Variants in CSMD3 observed in about 807,000 individuals in gnomAD.
CSMD3 encodes the protein CUB and Sushi multiple domains 3.
CSMD3 carries 177 observed loss-of-function variants against 435.2 expected under a neutral mutation model. The observed-to-expected ratio is 0.41, with a 90% CI of 0.36 to 0.46. The LOEUF is 0.46. Ranked by LOEUF, CSMD3 falls within the 20% of genes least tolerant of loss-of-function variation. The pLI is 0.34. For missense variants in CSMD3, 4,265 were observed against 4,504.6 expected, an observed-to-expected ratio of 0.95 and a Z score of 1.52; for synonymous variants, 1,656 against 1,520.5, an observed-to-expected ratio of 1.09 and a Z score of -2.07.
chr8:113,207,181 T>C (rs2092780593), intron 3 of CSMD3, among the ~76,000 whole-genome samples: 1 of 152,132 alleles, frequency 6.6e-6, no homozygotes, highest in African/African-American at 2.4e-5. Flanking sequence ...CATTGAAAAC[T>C]TTCATCTGGA....
At chr8:112,630,288 G>A (rs1179824597) in intron 22 of CSMD3, among the ~76,000 whole-genome samples, 1 of 152,096 alleles carries the variant, frequency 6.6e-6, no homozygotes, top group Non-Finnish European at 1.5e-5. Flanking sequence ...TAAATTAGAT[G>A]AGAGAAAGCT....
chr8:112,701,651 C>T (rs1310863323), intron 13 of CSMD3, among the ~76,000 whole-genome samples: 1 of 152,154 alleles, frequency 6.6e-6, no homozygotes, highest in Non-Finnish European at 1.5e-5. Flanking sequence ...TCCACCCCTG[C>T]ACACTCTGAA....
At chr8:112,955,935 A>T (rs1016189400) in intron 7 of CSMD3, among the ~76,000 whole-genome samples, 2 of 151,930 alleles carry the variant, frequency 1.3e-5, no homozygotes, top group Non-Finnish European at 2.9e-5. Flanking sequence ...ATGGATATTT[A>T]TTGGTTTATG....
intron 10 of CSMD3, among the ~76,000 whole-genome samples, chr8:112,870,151 G>T (rs1224618098): frequency 6.6e-6 from 1 of 151,426 alleles, no homozygotes; most frequent in African/African-American, 2.4e-5. Flanking sequence ...CATTTACATG[G>T]GTAAACTTGT....
chr8:113,223,553 T>C (rs1243716821), intron 3 of CSMD3, among the ~76,000 whole-genome samples: 2 of 150,038 alleles, frequency 1.3e-5, no homozygotes, highest in Admixed American at 6.7e-5. Flanking sequence ...TTTATATATA[T>C]TTTTACAACA....
At chr8:112,324,119 A>G (rs1478026624) in intron 45 of CSMD3, among the ~76,000 whole-genome samples, 2 of 152,038 alleles carry the variant, frequency 1.3e-5, no homozygotes, top group Admixed American at 1.3e-4. Context: ...ATCATCTTAG[A>G]TAAAGCAAGA....
At chr8:113,203,013 A>AT (rs1400118075) in intron 3 of CSMD3, among the ~76,000 whole-genome samples, 2 of 152,074 alleles carry the variant, frequency 1.3e-5, no homozygotes, top group Non-Finnish European at 2.9e-5. Context: ...AGAAACCCAT[A>AT]TTTTTTCAAC....
chr8:112,650,237 T>C lies in CSMD3; in HGVS notation c.3117A>G (p.Gly1039=). 1 of 1,613,934 alleles carries C rather than the reference T, an allele frequency of 6.2e-7. No homozygotes were observed. The highest frequency in any genetic ancestry group is 8.5e-7 in the Non-Finnish European group (1 of 1,179,848). ...GSTVSFSCDS[G]YRLSHEEPLL... ...GGGGCTCTTCATGACTCAACCTGTA[T>C]CCTGAATCACAACTAAATGAAACAG... The change falls in exon 19 of 71, where the codon GGA becomes GGG. Residue 1039 remains glycine (G), a synonymous_variant. Transcript: ENST00000297405.
chr8:112,829,855 C>T, intron 11 of CSMD3, 66 bp from the exon 12 acceptor site: 1 of 816,958 alleles, frequency 1.2e-6, no homozygotes, highest in Non-Finnish European at 2.1e-6. Context: ...ACAAAAAAAG[C>T]AATGACAGAA....
At chr8:112,661,576 T>G (rs186143873) in intron 17 of CSMD3, among the ~76,000 whole-genome samples, 1 of 152,274 alleles carries the variant, frequency 6.6e-6, no homozygotes, top group East Asian at 1.9e-4. Context: ...AGGTGTTTAT[T>G]TATTTAATGA....
intron 1 of CSMD3, among the ~76,000 whole-genome samples, chr8:113,428,849 C>G (rs2094652656): frequency 6.6e-6 from 1 of 151,762 alleles, no homozygotes; most frequent in South Asian, 2.1e-4. Flanking sequence ...GAGTCTGTTT[C>G]CATTTACAAA....
At chr8:113,144,720 G>T (rs1310147640) in intron 4 of CSMD3, among the ~76,000 whole-genome samples, 1 of 151,208 alleles carries the variant, frequency 6.6e-6, no homozygotes, top group East Asian at 2.0e-4. Flanking sequence ...CCTATATTAA[G>T]GCGCAATATA....
intron 1 of CSMD3, among the ~76,000 whole-genome samples, chr8:113,352,219 A>G (rs1286993346): frequency 6.6e-6 from 1 of 152,116 alleles, no homozygotes; most frequent in Non-Finnish European, 1.5e-5. Context: ...TGAATAGACC[A>G]TCCTGCATTG....
intron 59 of CSMD3, among the ~76,000 whole-genome samples, chr8:112,267,803 G>C (rs1410843621): frequency 6.6e-6 from 1 of 152,090 alleles, no homozygotes; most frequent in Non-Finnish European, 1.5e-5. Context: ...AGCTTTAGAA[G>C]GGTTTGTTTG....
intron 6 of CSMD3, among the ~76,000 whole-genome samples, chr8:112,978,593 T>C (rs1005296635): frequency 1.3e-5 from 2 of 152,014 alleles, no homozygotes; most frequent in African/African-American, 4.8e-5. Context: ...GTGATGAAGA[T>C]TCAGTACTAT....
intron 4 of CSMD3, among the ~76,000 whole-genome samples, chr8:113,116,338 C>T (rs2131616836): frequency 6.6e-6 from 1 of 152,186 alleles, no homozygotes; most frequent in Non-Finnish European, 1.5e-5. Flanking sequence ...GGAGTTTATG[C>T]CTTCGCTCGA....
chr8:113,430,917 A>G (rs1586189439), intron 1 of CSMD3, among the ~76,000 whole-genome samples: 1 of 152,256 alleles, frequency 6.6e-6, no homozygotes, highest in African/African-American at 2.4e-5. Context: ...TAGCAAAGCA[A>G]CTTAAGACAT....
At chr8:113,014,398 C>A (rs2086373829) in intron 6 of CSMD3, among the ~76,000 whole-genome samples, 1 of 152,036 alleles carries the variant, frequency 6.6e-6, no homozygotes, top group Non-Finnish European at 1.5e-5. Flanking sequence ...GGCCATCATG[C>A]CTCATATGCC....
chr8:112,752,900 CGTGT>C (rs10617885), intron 13 of CSMD3, among the ~76,000 whole-genome samples: 30,657 of 146,302 alleles, frequency 0.21, 3,818 homozygotes, highest in Non-Finnish European at 0.29. Context: ...TTTGTTACCG[CGTGT>C]GTGTGTGTGT....
Sources: allele counts gnomAD v4.1 joint callset (sites outside exome capture counted in the v4.1 genomes callset), GRCh38; gene constraint gnomAD v4.1.1; transcripts MANE v1.5; gene names NCBI Gene and HGNC (gene_info 2026-07-23, HGNC 2026-07-21).